The following EIF2AK4 variants were observed in gnomAD, a reference collection of about 807,000 sequenced individuals.
The protein encoded by EIF2AK4 is eIF-2-alpha kinase GCN2.
In EIF2AK4, 139 loss-of-function variants were observed where a neutral mutation model predicts 211.1. That is an observed-to-expected ratio of 0.66 (90% CI 0.57 to 0.76). The LOEUF (loss-of-function observed/expected upper bound fraction) is 0.76. Among genes scored for constraint, EIF2AK4 ranks in the 30% least tolerant of loss-of-function variants. The pLI is 0.00. For synonymous variants in EIF2AK4, 710 were observed against 751.3 expected (o/e 0.94, Z 0.90); for missense variants, 1,664 against 2,043.8 (o/e 0.81, Z 3.58).
At chr15:40,035,001 C>T (rs774855530) in intron 38 of EIF2AK4, 26 bp from the exon 39 acceptor site, 1 of 1,560,022 alleles carries the variant, frequency 6.4e-7, no homozygotes, top group Non-Finnish European at 8.7e-7. Flanking sequence ...TGAGTCTGTC[C>T]TTATATCTTT....
At chr15:39,967,962 T>C in intron 9 of EIF2AK4, 83 bp downstream of exon 9, 3 of 1,398,636 alleles carry the variant, frequency 2.1e-6, no homozygotes, top group African/African-American at 1.4e-5. Context: ...ATCTAAGTGA[T>C]GTGGAAGCTG....
At chr15:39,946,825 G>C in intron 3 of EIF2AK4, 2 of 592,946 alleles carry the variant, frequency 3.4e-6, no homozygotes, top group South Asian at 4.2e-5. Flanking sequence ...TCTGCAAAAA[G>C]ATTATGACGT....
intron 27 of EIF2AK4, among the ~76,000 whole-genome samples, chr15:40,016,050 A>G (rs948302221): frequency 6.6e-6 from 1 of 152,220 alleles, no homozygotes; most frequent in African/African-American, 2.4e-5. Context: ...GCAAATAGGA[A>G]TGATTCAAGC....
chr15:39,934,146 G>T lies in EIF2AK4; in HGVS notation c.-50G>T. On this transcript the variant is annotated 5_prime_UTR_variant, in exon 1 of 39. Transcript: ENST00000263791. The stretch of plus-strand genomic sequence containing the variant: ...GAGCCCCGCCCCGCAGGCTGCCGGG[G>T]GCCCACCGCCGCCCAGGCAAGGCCG... 7.9e-7 allele frequency: 1 copy of T among 1,259,400 alleles called. No individual in the cohort carries two copies. The highest frequency in any genetic ancestry group is 9.9e-7 in the Non-Finnish European group (1 of 1,007,722). The allele number at this position is 1,259,400 out of a possible 1,614,324, so 78.0% of individuals were successfully genotyped here.
intron 37 of EIF2AK4, among the ~76,000 whole-genome samples, chr15:40,034,028 CAAAAAA>C (rs1161664208): frequency 1.4e-5 from 1 of 68,972 alleles, no homozygotes; most frequent in African/African-American, 5.5e-5. Flanking sequence ...AACTCCATCT[CAAAAAA>C]AAAAAAAAAA....
intron 2 of EIF2AK4, among the ~76,000 whole-genome samples, chr15:39,942,283 C>G (rs1373258944): frequency 1.3e-5 from 2 of 152,118 alleles, no homozygotes; most frequent in East Asian, 3.9e-4. Context: ...CATCCCAGAC[C>G]TTTGGGGAGG....
intron 9 of EIF2AK4, among the ~76,000 whole-genome samples, chr15:39,969,925 T>C (rs1003761006): frequency 6.6e-6 from 1 of 152,200 alleles, no homozygotes; most frequent in Non-Finnish European, 1.5e-5. Context: ...GGTAAGACTC[T>C]GGAGTCAAAA....
At chr15:39,977,843 T>G (rs2034722597) in intron 12 of EIF2AK4, 1 of 322,292 alleles carries the variant, frequency 3.1e-6, no homozygotes, top group East Asian at 4.7e-5. Context: ...ATGATTACTC[T>G]TCACTATTAA....
rs2140900111 is a variant in EIF2AK4 at position 39,945,611 on chromosome 15, T to A, written c.360+2126T>A. 1.3e-5 allele frequency among the ~76,000 whole-genome samples: 2 copies of A among 151,662 alleles called. 1 individual carries two copies. The highest frequency in any genetic ancestry group is 4.2e-4 in the South Asian group (2 of 4,802). ...GTTACCCGGAAAAACCTAAGATAAT[T>A]GATGAAGGTAGCTACAGATTTTCAG... On this transcript the variant is annotated intron_variant, in intron 3 of 38. Transcript: ENST00000263791.
rs1193967527 is a variant in EIF2AK4 at position 39,998,813 on chromosome 15, T to C, written c.2922+29T>C. On this transcript the variant is annotated intron_variant, in intron 20 of 38. Transcript: ENST00000263791. ...ATTTTCTGATGCGTCAATTACTATG[T>C]CTTCAGTCTTGCATTTTAATTATTA... 1.9e-6 allele frequency: 3 copies of C among 1,552,924 alleles called. No homozygotes were observed. In the East Asian group the frequency reaches 6.8e-5, roughly 35 times the overall value.
intron 25 of EIF2AK4, among the ~76,000 whole-genome samples, chr15:40,009,192 C>G (rs1033078348): frequency 6.6e-6 from 1 of 151,974 alleles, no homozygotes; most frequent in African/African-American, 2.4e-5. Context: ...CAGGCTCAAG[C>G]AGTCCTCCTG....
At chr15:39,978,495 A>G (rs2034732162) in intron 13 of EIF2AK4, among the ~76,000 whole-genome samples, 1 of 152,174 alleles carries the variant, frequency 6.6e-6, no homozygotes, top group South Asian at 2.1e-4. Context: ...TTATGGAGTT[A>G]CCTCATCATG....
At position 40,031,812 on chromosome 15, in the gene EIF2AK4, G is replaced by A. The variant is rs144045947; in HGVS notation, c.4660-357G>A. On this transcript the variant is annotated intron_variant, in intron 35 of 38. Transcript: ENST00000263791. ...GCAACATCAGCTCACCACAACCTCT[G>A]CCTCCCATGTTCAAGCGATTCTCCT... Among the ~76,000 whole-genome samples, 320 of 151,504 alleles carry A rather than the reference G, an allele frequency of 2.1e-3. 2 individuals are homozygous for A. Among genetic ancestry groups the A allele is most frequent in the African/African-American group, 7.6e-3 (312 of 41,252 alleles).
intron 13 of EIF2AK4, among the ~76,000 whole-genome samples, chr15:39,982,146 G>A (rs553244200): frequency 3.5e-4 from 53 of 152,168 alleles, no homozygotes; most frequent in African/African-American, 1.2e-3. Flanking sequence ...GGATGGTCTC[G>A]ATCTCCTGAC....
At chr15:40,009,863 G>A in intron 26 of EIF2AK4, 133 bp downstream of exon 26, 1 of 668,880 alleles carries the variant, frequency 1.5e-6, no homozygotes, top group Non-Finnish European at 2.6e-6. Context: ...TTCCTTCATT[G>A]CTCTAAATTG....
chr15:40,016,951 A>G (rs972606493), intron 28 of EIF2AK4, among the ~76,000 whole-genome samples, 157 bp from the exon 29 acceptor site: 1 of 152,236 alleles, frequency 6.6e-6, no homozygotes, highest in Non-Finnish European at 1.5e-5. Context: ...TTGTCAGGCT[A>G]TGGTTAAACA....
At position 39,943,322 on chromosome 15, in the gene EIF2AK4, G is replaced by T. The variant is rs200357447; in HGVS notation, c.258-61G>T. 3.7e-5 allele frequency: 49 copies of T among 1,320,266 alleles called. 2 individuals are homozygous for T. The East Asian group carries it at 1.3e-3, about 34-fold the overall frequency. The allele number at this position is 1,320,266 out of a possible 1,614,324, so 81.8% of individuals were successfully genotyped here. On this transcript the variant is annotated intron_variant, in intron 2 of 38. Coordinates refer to ENST00000263791, the MANE Select transcript of EIF2AK4 (RefSeq NM_001013703.4). ...TGCTTTCAGTTTAGCAAATATTAAT[G>T]CAAACAGGCTATACTTTCTGGAGTA...
chr15:39,982,190 C>G (rs1459625819), intron 13 of EIF2AK4, among the ~76,000 whole-genome samples: 1 of 152,228 alleles, frequency 6.6e-6, no homozygotes, highest in Non-Finnish European at 1.5e-5. Flanking sequence ...TCCCAAAGTG[C>G]TGGGATTACA....
At chr15:40,007,502 C>T (rs2035177385) in intron 24 of EIF2AK4, among the ~76,000 whole-genome samples, 1 of 152,170 alleles carries the variant, frequency 6.6e-6, no homozygotes, top group African/African-American at 2.4e-5. Context: ...GGAGTAAACC[C>T]AGCAGGAACG....
Sources: allele counts gnomAD v4.1 joint callset (sites outside exome capture counted in the v4.1 genomes callset), GRCh38; gene constraint gnomAD v4.1.1; transcripts MANE v1.5; gene names NCBI Gene and HGNC (gene_info 2026-07-23, HGNC 2026-07-21).